Variants in IMMP2L observed in about 807,000 individuals in gnomAD.
IMMP2L encodes the protein inner mitochondrial membrane peptidase subunit 2, also known as mitochondrial inner membrane protease subunit 2.
Under a neutral mutation model 19.3 loss-of-function variants are expected in IMMP2L, and 18 were observed. The observed-to-expected ratio is 0.93, with a 90% CI of 0.64 to 1.38. The LOEUF (loss-of-function observed/expected upper bound fraction) is 1.38, where lower values mean the gene tolerates loss of function less well. Among genes scored for constraint, IMMP2L ranks in the 40% most tolerant of loss-of-function variants. The probability of loss-of-function intolerance (pLI) is 0.00; values close to 1 mark genes in which losing one functional copy is unlikely to be tolerated. For missense variants in IMMP2L, 233 were observed against 218.2 expected, an observed-to-expected ratio of 1.07 and a Z score of -0.43; for synonymous variants, 76 against 73.0, an observed-to-expected ratio of 1.04 and a Z score of -0.21.
chr7:110,856,248 G>A (rs1806752270), intron 5 of IMMP2L, among the ~76,000 whole-genome samples: 1 of 151,912 alleles, frequency 6.6e-6, no homozygotes, highest in Non-Finnish European at 1.5e-5. Flanking sequence ...GCAGTTTAAA[G>A]CTCTTAGTTT....
chr7:111,514,923 A>G lies in IMMP2L; in HGVS notation c.135+6390T>C, dbSNP rs368811437. On this transcript the variant is annotated intron_variant, in intron 2 of 5. Transcript: ENST00000405709. Reference sequence around the variant, plus strand: ...AACAATGTATCAAAGCACAAGTGATATAAGTAGTGCTTTGCTTGACCATTT... The same window carrying G: ...AACAATGTATCAAAGCACAAGTGATGTAAGTAGTGCTTTGCTTGACCATTT... 9.2e-5 allele frequency among the ~76,000 whole-genome samples: 14 copies of G among 152,254 alleles called. No homozygotes were observed. In the South Asian group the frequency reaches 2.5e-3, roughly 27 times the overall value.
In IMMP2L at chr7:111,424,273, C is replaced by G. The variant is rs188970414; in HGVS notation, c.239+62965G>C. 1.5e-3 allele frequency among the ~76,000 whole-genome samples: 230 copies of G among 151,780 alleles called. 5 individuals carry two copies. The highest frequency in any genetic ancestry group is 5.4e-3 in the African/African-American group (223 of 41,210). On this transcript the variant is annotated intron_variant, in intron 3 of 5. Coordinates refer to ENST00000405709, the MANE Select transcript of IMMP2L (RefSeq NM_032549.4). The stretch of plus-strand genomic sequence containing the variant: ...TACAACGCAAGTGCACAACAAATAT[C>G]TGTTTAAGTAGCCAGGAAGGAAGGA...
intron 3 of IMMP2L, among the ~76,000 whole-genome samples, chr7:110,992,774 A>G (rs1822616549): frequency 6.6e-6 from 1 of 152,128 alleles, no homozygotes; most frequent in Admixed American, 6.6e-5. Context: ...ACTATAATTA[A>G]GAATATATTC....
chr7:111,091,446 T>C (rs1796853208), intron 3 of IMMP2L: 1 of 152,154 alleles, frequency 6.6e-6, no homozygotes, highest in Non-Finnish European at 1.5e-5. Context: ...ACCAAGGAAC[T>C]GAGGAATCCA....
At chr7:111,202,580 G>A (rs914844653) in intron 3 of IMMP2L, among the ~76,000 whole-genome samples, 1 of 152,132 alleles carries the variant, frequency 6.6e-6, no homozygotes, top group Non-Finnish European at 1.5e-5. Context: ...GCACTCTAAT[G>A]ATCGACAGTA....
At chr7:111,514,350 C>T (rs557613669) in intron 2 of IMMP2L, among the ~76,000 whole-genome samples, 2 of 151,920 alleles carry the variant, frequency 1.3e-5, no homozygotes, top group Admixed American at 6.5e-5. Context: ...TGGGCAACAT[C>T]GCACACCGGG....
chr7:110,748,451 A>T (rs1339053023), intron 5 of IMMP2L, among the ~76,000 whole-genome samples: 1 of 152,244 alleles, frequency 6.6e-6, no homozygotes, highest in Non-Finnish European at 1.5e-5. Flanking sequence ...GACAATGCTA[A>T]GCAGAAAGAA....
rs138554818 is a variant in IMMP2L, at chr7:111,360,448, C to A, written c.239+126790G>T. Among the ~76,000 whole-genome samples the A allele has an allele frequency of 3.3e-5, 5 of 152,188 alleles. No homozygotes were observed. In the East Asian group the frequency reaches 7.7e-4, roughly 24 times the overall value. Reference sequence around the variant, plus strand: ...ATACTCCAAATCAAATAACATTACACAACATATTGAATGCAAAAGCAGATA... The same window carrying A: ...ATACTCCAAATCAAATAACATTACAAAACATATTGAATGCAAAAGCAGATA... On this transcript the variant is annotated intron_variant, in intron 3 of 5. Coordinates refer to ENST00000405709, the MANE Select transcript of IMMP2L (RefSeq NM_032549.4).
intron 3 of IMMP2L, among the ~76,000 whole-genome samples, chr7:111,299,009 C>T (rs1431675802): frequency 6.6e-6 from 1 of 152,022 alleles, no homozygotes; most frequent in Non-Finnish European, 1.5e-5. Flanking sequence ...AAAGTACAGT[C>T]AAAAGGCACA....
intron 3 of IMMP2L, among the ~76,000 whole-genome samples, chr7:111,223,628 T>C (rs1331179196): frequency 3.9e-5 from 6 of 152,158 alleles, no homozygotes; most frequent in Non-Finnish European, 7.4e-5. Flanking sequence ...TTAGTCAGTC[T>C]ACTTTGTAAC....
At chr7:111,517,026 G>A (rs1585468729) in intron 2 of IMMP2L, among the ~76,000 whole-genome samples, 1 of 152,154 alleles carries the variant, frequency 6.6e-6, no homozygotes, top group Non-Finnish European at 1.5e-5. Flanking sequence ...CTTTTCTTAA[G>A]AGTCTGTATC....
intron 3 of IMMP2L, among the ~76,000 whole-genome samples, chr7:111,345,060 A>G (rs1584729735): frequency 6.6e-6 from 1 of 152,158 alleles, no homozygotes. Flanking sequence ...AACCCTGAGT[A>G]ACTCACATAC....
intron 3 of IMMP2L, among the ~76,000 whole-genome samples, chr7:111,003,112 T>G (rs559162287): frequency 1.8e-4 from 27 of 152,294 alleles, no homozygotes; most frequent in African/African-American, 6.3e-4. Flanking sequence ...ATTGTTACTG[T>G]TCTTAGTTTA....
At chr7:111,148,060 G>A (rs1803671550) in intron 3 of IMMP2L, among the ~76,000 whole-genome samples, 1 of 152,010 alleles carries the variant, frequency 6.6e-6, no homozygotes, top group Non-Finnish European at 1.5e-5. Context: ...CTACACCAGT[G>A]TTCATAGTAA....
At chr7:110,906,083 C>A (rs1812423432) in intron 4 of IMMP2L, among the ~76,000 whole-genome samples, 1 of 152,182 alleles carries the variant, frequency 6.6e-6, no homozygotes, top group East Asian at 1.9e-4. Context: ...AAATTTTTCC[C>A]CAGCCTTTCA....
chr7:110,688,877 T>C (rs924506412), intron 5 of IMMP2L, among the ~76,000 whole-genome samples: 3 of 150,316 alleles, frequency 2.0e-5, no homozygotes, highest in Admixed American at 6.6e-5. Context: ...ACATATAACA[T>C]GTGTACATAT....
intron 5 of IMMP2L, among the ~76,000 whole-genome samples, chr7:110,882,193 CATT>C: frequency 6.6e-6 from 1 of 152,210 alleles, no homozygotes; most frequent in South Asian, 2.1e-4. Context: ...TCAGTGCACT[CATT>C]ATTATCTATG....
intron 3 of IMMP2L, among the ~76,000 whole-genome samples, chr7:110,995,720 C>G (rs948156843): frequency 1.3e-5 from 2 of 152,208 alleles, no homozygotes; most frequent in Non-Finnish European, 1.5e-5. Flanking sequence ...CCATTAGGAA[C>G]CCTGGACCAG....
At chr7:111,052,296 G>C (rs980566006) in intron 3 of IMMP2L, among the ~76,000 whole-genome samples, 1 of 152,164 alleles carries the variant, frequency 6.6e-6, no homozygotes, top group African/African-American at 2.4e-5. Flanking sequence ...TTTAAGGTCT[G>C]ATAAGAGACA....
Sources: gnomAD v4.1 joint callset for allele counts (sites outside exome capture counted in the v4.1 genomes callset) on GRCh38, gnomAD v4.1.1 for gene constraint, MANE v1.5 for transcripts, NCBI Gene and HGNC (gene_info 2026-07-23, HGNC 2026-07-21) for gene names.